The following IFNB1 variants were observed in gnomAD, a reference collection of about 807,000 sequenced individuals.
The protein encoded by IFNB1 is interferon beta 1, also known as interferon beta.
For synonymous variants in IFNB1, 99 were observed against 80.4 expected, an observed-to-expected ratio of 1.23 and a Z score of -1.24; for missense variants, 267 against 210.5, an observed-to-expected ratio of 1.27 and a Z score of -1.66.
In IFNB1 at chr9:21,077,221, A is replaced by T; in HGVS notation, c.*85T>A. 1 of 801,566 alleles carries T rather than the reference A, an allele frequency of 1.2e-6. No homozygotes were observed. The highest frequency in any genetic ancestry group is 2.1e-6 in the Non-Finnish European group (1 of 480,366). 49.7% of individuals were successfully genotyped at this position (801,566 alleles called of 1,614,324 possible). ...AGTGTCCTTTCATATGCAGTACATT[A>T]GCCATCAGTCACTTAAACAGCATCT... On this transcript the variant is annotated 3_prime_UTR_variant, in exon 1 of 1. Coordinates refer to ENST00000380232, the MANE Select transcript of IFNB1 (RefSeq NM_002176.4).
Position 21,077,654 on chromosome 9 carries a change from C to T in IFNB1, c.216G>A (p.Gln72=), listed in dbSNP as rs146878823. The T allele has an allele frequency of 1.2e-4, 188 of 1,613,852 alleles. 1 individual carries two copies. The highest frequency in any genetic ancestry group is 3.3e-5 in the Admixed American group (2 of 59,970). The change falls in exon 1 of 1, where the codon CAG becomes CAA. Residue 72 remains glutamine (Q), a synonymous_variant. Coordinates refer to ENST00000380232, the MANE Select transcript of IFNB1 (RefSeq NM_002176.4). ...PEEIKQLQQF[Q]KEDAALTIYE... is the part of the protein sequence containing the mutation. Reference sequence around the variant, plus strand: ...AGATGGTCAATGCGGCGTCCTCCTTCTGGAACTGCTGCAGCTGCTTAATCT... The same window carrying T: ...AGATGGTCAATGCGGCGTCCTCCTTTTGGAACTGCTGCAGCTGCTTAATCT...
At position 21,077,713 on chromosome 9, in the gene IFNB1, G is replaced by C. The variant is rs774567627; in HGVS notation, c.157C>G (p.Leu53Val). The change falls in exon 1 of 1, where the codon CTC becomes GTC. Residue 53 changes from leucine to valine, a missense_variant. Coordinates refer to ENST00000380232, the MANE Select transcript of IFNB1 (RefSeq NM_002176.4). ...ATGTCAAAGTTCATCCTGTCCTTGA[G>C]GCAGTATTCAAGCCTCCCATTCAAT... Reference protein sequence around the residue: ...WQLNGRLEYCLKDRMNFDIPE... With the variant: ...WQLNGRLEYCVKDRMNFDIPE... 1.4e-5 allele frequency: 23 copies of C among 1,613,818 alleles called. No individual in the cohort carries two copies. Among genetic ancestry groups the C allele is most frequent in the Non-Finnish European group, 5.1e-6 (6 of 1,179,910 alleles).
rs1011643868 is a variant in IFNB1 at position 21,077,692 on chromosome 9, C to T, written c.178G>A (p.Asp60Asn). The T allele has an allele frequency of 1.2e-6, 2 of 1,613,966 alleles. No individual in the cohort carries two copies. Among genetic ancestry groups the T allele is most frequent in the Admixed American group, 1.7e-5 (1 of 59,966 alleles). Residue 60 changes from aspartate to asparagine, a missense_variant, in exon 1 of 1, where the codon GAC becomes AAC. Physicochemically the swap from Asp to Asn is conservative, Grantham distance 23 (BLOSUM62 1). Transcript: ENST00000380232. The stretch of plus-strand genomic sequence containing the variant: ...AGCTGCTTAATCTCCTCAGGGATGT[C>T]AAAGTTCATCCTGTCCTTGAGGCAG... ...EYCLKDRMNF[D>N]IPEEIKQLQQ...
chr9:21,077,694 A>C lies in IFNB1; in HGVS notation c.176T>G (p.Phe59Cys). 6.2e-7 allele frequency: 1 copy of C among 1,613,936 alleles called. No homozygotes were observed. Among genetic ancestry groups the C allele is most frequent in the Non-Finnish European group, 8.5e-7 (1 of 1,179,892 alleles). Reference protein sequence around the residue: ...LEYCLKDRMNFDIPEEIKQLQ... With the variant: ...LEYCLKDRMNCDIPEEIKQLQ... ...CTGCTTAATCTCCTCAGGGATGTCA[A>C]AGTTCATCCTGTCCTTGAGGCAGTA... Residue 59 changes from phenylalanine to cysteine, a missense_variant, in exon 1 of 1, where the codon TTT becomes TGT. Physicochemically the swap from Phe to Cys is radical, Grantham distance 205. Transcript: ENST00000380232.
At position 21,077,213 on chromosome 9, in the gene IFNB1, A is replaced by G. The variant is rs571561257; in HGVS notation, c.*93T>C. ...AATCTTCTAGTGTCCTTTCATATGC[A>G]GTACATTAGCCATCAGTCACTTAAA... is the stretch of plus-strand genomic sequence containing the variant. On this transcript the variant is annotated 3_prime_UTR_variant, in exon 1 of 1. Transcript: ENST00000380232. 9.3e-5 allele frequency: 68 copies of G among 731,094 alleles called. No individual in the cohort carries two copies. In the African/African-American group the frequency reaches 1.1e-3, roughly 12 times the overall value. 45.3% of individuals were successfully genotyped at this position (731,094 alleles called of 1,614,324 possible). A position where few individuals can be genotyped will look rare whatever the true frequency, so the allele number is the denominator to read the frequency against.
Position 21,077,735 on chromosome 9 carries a change from C to T in IFNB1, c.135G>A (p.Leu45=), listed in dbSNP as rs753762903. ...NFQCQKLLWQ[L]NGRLEYCLKD... ...TGAGGCAGTATTCAAGCCTCCCATT[C>T]AATTGCCACAGGAGCTTCTGACACT... Residue 45 remains leucine (L), a synonymous_variant, in exon 1 of 1, where the codon TTG becomes TTA. Coordinates refer to ENST00000380232, the MANE Select transcript of IFNB1 (RefSeq NM_002176.4). The T allele has an allele frequency of 6.2e-7, 1 of 1,613,900 alleles. No individual in the cohort carries two copies. Among genetic ancestry groups the T allele is most frequent in the South Asian group, 1.1e-5 (1 of 91,078 alleles).
chr9:21,077,920 C>A lies in IFNB1; in HGVS notation c.-51G>T. The A allele has an allele frequency of 7.2e-7, 1 of 1,394,410 alleles. No individual in the cohort carries two copies. The highest frequency in any genetic ancestry group is 9.9e-7 in the Non-Finnish European group (1 of 1,014,922). The allele number at this position is 1,394,410 out of a possible 1,614,324, so 86.4% of individuals were successfully genotyped here. ...ACTACCTGTTGTGCCAGAGCAAAGG[C>A]TTCGAAAGGTTGCAGTTAGAATGTC... On this transcript the variant is annotated 5_prime_UTR_variant, in exon 1 of 1. Transcript: ENST00000380232.
Position 21,077,630 on chromosome 9 carries a change from G to A in IFNB1, c.240C>T (p.Ile80=), listed in dbSNP as rs751737770. ...CAAAGATGTTCTGGAGCATCTCATA[G>A]ATGGTCAATGCGGCGTCCTCCTTCT... ...QFQKEDAALT[I]YEMLQNIFAI... is the part of the protein sequence containing the mutation. Residue 80 remains isoleucine (I), a synonymous_variant, in exon 1 of 1, where the codon ATC becomes ATT. Transcript: ENST00000380232. 1 of 1,613,888 alleles carries A rather than the reference G, an allele frequency of 6.2e-7. No homozygotes were observed. Among genetic ancestry groups the A allele is most frequent in the African/African-American group, 1.3e-5 (1 of 74,908 alleles).
rs759945780 is a variant in IFNB1 at position 21,077,621 on chromosome 9, C to T, written c.249G>A (p.Met83Ile). The T allele has an allele frequency of 6.2e-7, 1 of 1,613,970 alleles. No individual in the cohort carries two copies. The highest frequency in any genetic ancestry group is 8.5e-7 in the Non-Finnish European group (1 of 1,179,904). ...TGAAAATAGCAAAGATGTTCTGGAG[C>T]ATCTCATAGATGGTCAATGCGGCGT... Reference protein sequence around the residue: ...KEDAALTIYEMLQNIFAIFRQ... With the variant: ...KEDAALTIYEILQNIFAIFRQ... Residue 83 changes from methionine to isoleucine, a missense_variant, in exon 1 of 1, where the codon ATG becomes ATA. Transcript: ENST00000380232.
rs1209127438 is a variant in IFNB1, at chr9:21,077,579, G to A, written c.291C>T (p.Ser97=). The change falls in exon 1 of 1, where the codon AGC becomes AGT. Residue 97 remains serine (S), a synonymous_variant. Coordinates refer to ENST00000380232, the MANE Select transcript of IFNB1 (RefSeq NM_002176.4). ...CAACAATAGTCTCATTCCAGCCAGT[G>A]CTAGATGAATCTTGTCTGAAAATAG... ...IFAIFRQDSS[S]TGWNETIVEN... 1 of 1,614,012 alleles carries A rather than the reference G, an allele frequency of 6.2e-7. No individual in the cohort carries two copies. The highest frequency in any genetic ancestry group is 1.3e-5 in the African/African-American group (1 of 75,044).
chr9:21,077,529 T>C lies in IFNB1; in HGVS notation c.341A>G (p.His114Arg), dbSNP rs200392542. 172 of 1,612,968 alleles carry C rather than the reference T, an allele frequency of 1.1e-4. No individual in the cohort carries two copies. Among genetic ancestry groups the C allele is most frequent in the Non-Finnish European group, 1.3e-4 (149 of 1,179,072 alleles). The change falls in exon 1 of 1, where the codon CAT (histidine) becomes CGT (arginine). Residue 114 changes from histidine (H) to arginine (R), a missense_variant. Coordinates refer to ENST00000380232, the MANE Select transcript of IFNB1 (RefSeq NM_002176.4). ...IVENLLANVY[H>R]QINHLKTVLE... ...GACTGTCTTCAGATGGTTTATCTGA[T>C]GATAGACATTAGCCAGGAGGTTCTC...
rs1263838546 is a variant in IFNB1 at position 21,077,441 on chromosome 9, C to G, written c.429G>C (p.Leu143=). ...GCAGAATCCTCCCATAATATCTTTT[C>G]AGGTGCAGACTGCTCATGAGTTTTC... is the stretch of plus-strand genomic sequence containing the variant. The part of the protein sequence containing the change: ...TRGKLMSSLH[L]KRYYGRILHY... The change falls in exon 1 of 1, where the codon CTG becomes CTC. Residue 143 remains leucine, a synonymous_variant. Coordinates refer to ENST00000380232, the MANE Select transcript of IFNB1 (RefSeq NM_002176.4). The G allele has an allele frequency of 1.9e-6, 3 of 1,613,812 alleles. No homozygotes were observed. In the African/African-American group the frequency reaches 4.0e-5, roughly 22 times the overall value.
Position 21,077,245 on chromosome 9 carries a change from C to G in IFNB1, c.*61G>C. ...TAGCCATCAGTCACTTAAACAGCAT[C>G]TGCTGGTTGAAGAATGCTTGAAGCA... On this transcript the variant is annotated 3_prime_UTR_variant, in exon 1 of 1. Transcript: ENST00000380232. 1.8e-6 allele frequency: 2 copies of G among 1,126,828 alleles called. No homozygotes were observed. The highest frequency in any genetic ancestry group is 1.3e-6 in the Non-Finnish European group (1 of 767,994). The allele number at this position is 1,126,828 out of a possible 1,614,324, so 69.8% of individuals were successfully genotyped here. A position where few individuals can be genotyped will look rare whatever the true frequency, so the allele number is the denominator to read the frequency against.
chr9:21,077,849 G>A lies in IFNB1; in HGVS notation c.21C>T (p.Leu7=). ...AGAAGCACAACAGGAGAGCAATTTG[G>A]AGGAGACACTTGTTGGTCATGTTGA... MTNKCL[L]QIALLLCFST... The change falls in exon 1 of 1, where the codon CTC becomes CTT. Residue 7 remains leucine, a synonymous_variant. Transcript: ENST00000380232. 1 of 1,612,870 alleles carries A rather than the reference G, an allele frequency of 6.2e-7. No individual in the cohort carries two copies. The highest frequency in any genetic ancestry group is 8.5e-7 in the Non-Finnish European group (1 of 1,179,430).
Position 21,077,557 on chromosome 9 carries a change from C to T in IFNB1, c.313G>A (p.Val105Ile), listed in dbSNP as rs1302438355. The T allele has an allele frequency of 1.9e-6, 3 of 1,613,868 alleles. No homozygotes were observed. Among genetic ancestry groups the T allele is most frequent in the East Asian group, 4.5e-5 (2 of 44,900 alleles). Residue 105 changes from valine (V) to isoleucine (I), a missense_variant, in exon 1 of 1, where the codon GTT (valine) becomes ATT (isoleucine). By Grantham distance (29) the Val-to-Ile change is conservative. Coordinates refer to ENST00000380232, the MANE Select transcript of IFNB1 (RefSeq NM_002176.4). ...TAGACATTAGCCAGGAGGTTCTCAA[C>T]AATAGTCTCATTCCAGCCAGTGCTA... ...SSSTGWNETI[V>I]ENLLANVYHQ...
Position 21,077,766 on chromosome 9 carries a change from TTGC to T in IFNB1, c.101_103del (p.Ser34del), listed in dbSNP as rs779195930. On this transcript the variant is annotated inframe_deletion, in exon 1 of 1. Transcript: ENST00000380232. Reference sequence around the variant, plus strand: ...CCACAGGAGCTTCTGACACTGAAAATTGCTGCTTCTTTGTAGGAATCCAAGCAA... The same window carrying T: ...CCACAGGAGCTTCTGACACTGAAAATTGCTTCTTTGTAGGAATCCAAGCAA... 7.4e-6 allele frequency: 12 copies of T among 1,613,640 alleles called. No homozygotes were observed. Among genetic ancestry groups the T allele is most frequent in the Non-Finnish European group, 1.0e-5 (12 of 1,179,824 alleles).
chr9:21,077,491 G>C lies in IFNB1; in HGVS notation c.379C>G (p.Leu127Val). ...NHLKTVLEEKLEKEDFTRGKL... is the reference protein window; with the variant it reads ...NHLKTVLEEKVEKEDFTRGKL... The stretch of plus-strand genomic sequence containing the variant: ...CCCCTGGTGAAATCTTCTTTCTCCA[G>C]TTTTTCTTCCAGGACTGTCTTCAGA... Residue 127 changes from leucine (L) to valine (V), a missense_variant, in exon 1 of 1, where the codon CTG (leucine) becomes GTG (valine). Coordinates refer to ENST00000380232, the MANE Select transcript of IFNB1 (RefSeq NM_002176.4). The C allele has an allele frequency of 6.2e-7, 1 of 1,613,920 alleles. No individual in the cohort carries two copies. Among genetic ancestry groups the C allele is most frequent in the Non-Finnish European group, 8.5e-7 (1 of 1,179,888 alleles).
Position 21,077,685 on chromosome 9 carries a change from G to C in IFNB1, c.185C>G (p.Pro62Arg), listed in dbSNP as rs1818738193. The C allele has an allele frequency of 6.2e-7, 1 of 1,613,806 alleles. No individual in the cohort carries two copies. Among genetic ancestry groups the C allele is most frequent in the African/African-American group, 1.3e-5 (1 of 74,894 alleles). ...CLKDRMNFDI[P>R]EEIKQLQQFQ... Reference sequence around the variant, plus strand: ...CTGCTGCAGCTGCTTAATCTCCTCAGGGATGTCAAAGTTCATCCTGTCCTT... The same window carrying C: ...CTGCTGCAGCTGCTTAATCTCCTCACGGATGTCAAAGTTCATCCTGTCCTT... Residue 62 changes from proline to arginine, a missense_variant, in exon 1 of 1, where the codon CCT (proline) becomes CGT (arginine). Physicochemically the swap from Pro to Arg is moderately radical, Grantham distance 103. Transcript: ENST00000380232.
At position 21,077,436 on chromosome 9, in the gene IFNB1, C is replaced by A. The variant is rs1564295311; in HGVS notation, c.434G>T (p.Arg145Ile). ...GKLMSSLHLK[R>I]YYGRILHYLK... ...GTAATGCAGAATCCTCCCATAATAT[C>A]TTTTCAGGTGCAGACTGCTCATGAG... The change falls in exon 1 of 1, where the codon AGA (arginine) becomes ATA (isoleucine). Residue 145 changes from arginine (R) to isoleucine (I), a missense_variant. Physicochemically the swap from Arg to Ile is moderately conservative, Grantham distance 97. Coordinates refer to ENST00000380232, the MANE Select transcript of IFNB1 (RefSeq NM_002176.4). 2.5e-6 allele frequency: 4 copies of A among 1,613,838 alleles called. No individual in the cohort carries two copies. Among genetic ancestry groups the A allele is most frequent in the East Asian group, 2.2e-5 (1 of 44,864 alleles).
Sources: gnomAD v4.1 joint callset for allele counts on GRCh38, gnomAD v4.1.1 for gene constraint, MANE v1.5 for transcripts, NCBI Gene and HGNC (gene_info 2026-07-23, HGNC 2026-07-21) for gene names.